The following SPG7 variants were observed in gnomAD, a reference collection of about 807,000 sequenced individuals.
SPG7 encodes the protein SPG7 matrix AAA peptidase subunit, paraplegin.
SPG7 carries 103 observed loss-of-function variants against 81.9 expected under a neutral mutation model. The ratio of observed to expected loss-of-function variants is 1.26; its 90% CI spans 1.07 to 1.48. The LOEUF (loss-of-function observed/expected upper bound fraction) is 1.48, where lower values mean the gene tolerates loss of function less well. SPG7 is among the 40% of genes most tolerant of loss of function. The pLI is 0.00. For missense variants in SPG7, 1,241 were observed against 1,087.3 expected (o/e 1.14, Z -1.99); for synonymous variants, 534 against 444.2 (o/e 1.20, Z -2.54).
At chr16:89,521,914 G>A (rs2058192626) in intron 3 of SPG7, 1 of 151,552 alleles carries the variant, frequency 6.6e-6, no homozygotes, top group African/African-American at 2.4e-5. Flanking sequence ...TCAGTTTCCC[G>A]GGAGCAGTGT....
chr16:89,521,326 C>G (rs929831999), intron 3 of SPG7: 1 of 152,298 alleles, frequency 6.6e-6, no homozygotes, highest in African/African-American at 2.4e-5. Context: ...GGCTAAGAGC[C>G]AGCCTGTGTC....
rs2058585313 is a variant in SPG7 at position 89,547,969 on chromosome 16, CACCCACCCACACCGTGGCTGTTTGTGT to C, written c.1553-33_1553-7del. 1 of 1,527,442 alleles carries C rather than the reference CACCCACCCACACCGTGGCTGTTTGTGT, an allele frequency of 6.5e-7. No individual in the cohort carries two copies. Among genetic ancestry groups the C allele is most frequent in the African/African-American group, 1.4e-5 (1 of 73,392 alleles). 94.6% of individuals were successfully genotyped at this position (1,527,442 alleles called of 1,614,324 possible). A position where few individuals can be genotyped will look rare whatever the true frequency, so the allele number is the denominator to read the frequency against. On this transcript the variant is annotated splice_region_variant and splice_polypyrimidine_tract_variant and intron_variant, in intron 11 of 16. Coordinates refer to ENST00000645818, the MANE Select transcript of SPG7 (RefSeq NM_003119.4). The stretch of plus-strand genomic sequence containing the variant: ...CTCTTAAGCCCTGATAGCAGAAACC[CACCCACCCACACCGTGGCTGTTTGTGT>C]TGACAGGGGCTGACATCGCCAACAT...
At chr16:89,555,784 G>A (rs2058681902) in intron 16 of SPG7, 1 of 398,246 alleles carries the variant, frequency 2.5e-6, no homozygotes, top group Non-Finnish European at 4.4e-6. Flanking sequence ...TTAGAACTCA[G>A]GAGAGGTGCA....
At chr16:89,546,856 C>A (rs1443543671) in intron 11 of SPG7, 96 bp downstream of exon 11, 1 of 823,270 alleles carries the variant, frequency 1.2e-6, no homozygotes, top group Admixed American at 1.8e-5. Context: ...GTGGGGTGGG[C>A]GCTGCTCCTT....
At chr16:89,554,042 C>G (rs949724792) in intron 15 of SPG7, 82 bp downstream of exon 15, 1 of 1,500,588 alleles carries the variant, frequency 6.7e-7, no homozygotes, top group South Asian at 1.1e-5. Context: ...GGGTCGCCCA[C>G]GGCCGCCCCA....
Position 89,531,996 on chromosome 16 carries a change from G to A in SPG7, c.1080G>A (p.Lys360=), listed in dbSNP as rs1212650663. The change falls in exon 8 of 17, where the codon AAG becomes AAA. Residue 360 remains lysine (K), a synonymous_variant. Transcript: ENST00000645818. Reference sequence around the variant, plus strand: ...GCTGTGGGAAGACGCTGCTGGCCAAGGCGGTGGCCACGGAGGCTCAGGTGC... The same window carrying A: ...GCTGTGGGAAGACGCTGCTGGCCAAAGCGGTGGCCACGGAGGCTCAGGTGC... ...PPGCGKTLLA[K]AVATEAQVPF... 4.3e-6 allele frequency: 7 copies of A among 1,613,900 alleles called. No individual in the cohort carries two copies. Among genetic ancestry groups the A allele is most frequent in the Admixed American group, 1.7e-5 (1 of 60,004 alleles).
At position 89,544,788 on chromosome 16, in the gene SPG7, C is replaced by G; in HGVS notation, c.1449+16C>G. On this transcript the variant is annotated intron_variant, in intron 10 of 16. Transcript: ENST00000645818. ...CACGCTGCAGGTCAGAGCCAGGATC[C>G]CAGCCTCTCCCACTCCACCTGGGCC... The G allele has an allele frequency of 6.2e-7, 1 of 1,613,700 alleles. No homozygotes were observed. Among genetic ancestry groups the G allele is most frequent in the Non-Finnish European group, 8.5e-7 (1 of 1,179,858 alleles).
chr16:89,548,652 C>T (rs1184280908), intron 12 of SPG7: 6 of 334,424 alleles, frequency 1.8e-5, no homozygotes, highest in South Asian at 9.2e-5. Context: ...GACGGGTGAC[C>T]GGTGGGCTGA....
chr16:89,555,743 C>T (rs983024086), intron 16 of SPG7: 6 of 397,572 alleles, frequency 1.5e-5, no homozygotes, highest in Admixed American at 1.3e-4. Flanking sequence ...CTGGAGTGAA[C>T]GTTTTTGTCC....
chr16:89,554,633 CCT>C, intron 16 of SPG7, 70 bp downstream of exon 16: 1 of 1,034,812 alleles, frequency 9.7e-7, no homozygotes, highest in Non-Finnish European at 1.5e-6. Flanking sequence ...GGTCCCCACC[CCT>C]CTCGTGAAGT....
At position 89,550,534 on chromosome 16, in the gene SPG7, G is replaced by C; in HGVS notation, c.1704G>C (p.Gln568His). Residue 568 changes from glutamine to histidine, a missense_variant, in exon 13 of 17, where the codon CAG becomes CAC. Gln to His is a conservative substitution (Grantham distance 24, BLOSUM62 0). Coordinates refer to ENST00000645818, the MANE Select transcript of SPG7 (RefSeq NM_003119.4). ...GCAAGATCCTGTCCAAGGAAGAACA[G>C]AAAGTGGTTGCGTTTCATGAGTCGG... ...KKSKILSKEE[Q>H]KVVAFHESGH... is the part of the protein sequence containing the mutation. 1 of 1,614,030 alleles carries C rather than the reference G, an allele frequency of 6.2e-7. No homozygotes were observed. Among genetic ancestry groups the C allele is most frequent in the Non-Finnish European group, 8.5e-7 (1 of 1,180,002 alleles).
rs1038946809 is a variant in SPG7 at position 89,508,451 on chromosome 16, C to T, written c.34C>T (p.Arg12Cys). ...AVLLLLLRAL[R>C]RGPGPGPRPL... ...GCTGCTGCTGCTGCTCCGTGCCCTC[C>T]GCCGGGGTCCAGGCCCGGGTCCTCG... The change falls in exon 1 of 17, where the codon CGC becomes TGC. Residue 12 changes from arginine (R) to cysteine (C), a missense_variant. Coordinates refer to ENST00000645818, the MANE Select transcript of SPG7 (RefSeq NM_003119.4). 6.7e-6 allele frequency: 10 copies of T among 1,503,220 alleles called. No homozygotes were observed. In the African/African-American group the frequency reaches 1.3e-4, roughly 20 times the overall value. The allele number at this position is 1,503,220 out of a possible 1,614,324, so 93.1% of individuals were successfully genotyped here.
intron 4 of SPG7, among the ~76,000 whole-genome samples, chr16:89,524,978 G>C (rs1452099409): frequency 7.9e-6 from 1 of 126,054 alleles, no homozygotes; most frequent in African/African-American, 2.9e-5. Context: ...TTTGGAGACA[G>C]AGTCTCCCTC....
chr16:89,525,622 G>A (rs1020312953), intron 4 of SPG7, among the ~76,000 whole-genome samples: 1 of 152,162 alleles, frequency 6.6e-6, no homozygotes, highest in African/African-American at 2.4e-5. Flanking sequence ...GTCCAGTCAT[G>A]CTGAAATCTG....
At chr16:89,550,903 G>C (rs968280655) in intron 13 of SPG7, among the ~76,000 whole-genome samples, 7 of 152,176 alleles carry the variant, frequency 4.6e-5, no homozygotes, top group Non-Finnish European at 8.8e-5. Context: ...CATGCAATGG[G>C]GTTTCGCTGC....
intron 6 of SPG7, chr16:89,530,032 T>C (rs1404536643): frequency 9.9e-6 from 3 of 303,208 alleles, no homozygotes; most frequent in African/African-American, 2.2e-5. Context: ...AGAGACGGGG[T>C]TTCTCCATGT....
intron 11 of SPG7, 77 bp from the exon 12 acceptor site, chr16:89,547,926 C>T (rs2058584633): frequency 9.0e-7 from 1 of 1,112,192 alleles, no homozygotes; most frequent in Admixed American, 1.7e-5. Flanking sequence ...TTTGTTCTCC[C>T]TTGAGGGCCC....
intron 12 of SPG7, chr16:89,548,785 C>A: frequency 2.6e-6 from 1 of 380,726 alleles, no homozygotes; most frequent in South Asian, 1.9e-5. Flanking sequence ...AACACCCAGA[C>A]GTGATCAGTC....
At chr16:89,531,674 T>C in intron 7 of SPG7, 3 of 562,080 alleles carry the variant, frequency 5.3e-6, no homozygotes, top group Non-Finnish European at 6.4e-6. Context: ...GCACCTGGCC[T>C]GCAAGAAGTT....
Sources: gnomAD v4.1 joint callset for allele counts (sites outside exome capture counted in the v4.1 genomes callset) on GRCh38, gnomAD v4.1.1 for gene constraint, MANE v1.5 for transcripts, NCBI Gene and HGNC (gene_info 2026-07-23, HGNC 2026-07-21) for gene names.